Variants in ATM observed in about 807,000 individuals in gnomAD.
ATM encodes the protein serine-protein kinase ATM.
A neutral mutation model predicts 387.0 loss-of-function variants in ATM; 308 were observed. The observed-to-expected ratio is 0.80, with a 90% CI of 0.73 to 0.87. ATM has a LOEUF of 0.87. Ranked by LOEUF, ATM falls within the 40% of genes least tolerant of loss-of-function variation. The pLI, the probability that ATM is intolerant of heterozygous loss-of-function variation, is 0.00. For missense variants in ATM, 3,312 were observed against 3,560.9 expected, an observed-to-expected ratio of 0.93 and a Z score of 1.78; for synonymous variants, 1,156 against 1,187.3, an observed-to-expected ratio of 0.97 and a Z score of 0.54.
Position 108,251,020 on chromosome 11 carries a change from G to A in ATM, c.1555G>A (p.Val519Ile), listed in dbSNP as rs758056561. Residue 519 changes from valine (V) to isoleucine (I), a missense_variant, in exon 10 of 63, where the codon GTT becomes ATT. By Grantham distance (29) the Val-to-Ile change is conservative (BLOSUM62 3). Transcript: ENST00000675843. ...CATAATTCAGGGTAGTTTAGTTGAG[G>A]TTGACAGAGAATTCTGGAAGTTATT... ...GAIIQGSLVE[V>I]DREFWKLFTG... 19 of 1,614,140 alleles carry A rather than the reference G, an allele frequency of 1.2e-5. No homozygotes were observed. In the East Asian group the frequency reaches 4.0e-4, roughly 34 times the overall value.
rs1317185205 is a variant in ATM, at chr11:108,253,883, T to C, written c.1968T>C (p.Thr656=). ...TAGAAGAACTATTTCTTCAGACAACTTTTGACAAGATGGACTTTTTAACCA... is the reference window on the plus strand; with the variant it reads ...TAGAAGAACTATTTCTTCAGACAACCTTTGACAAGATGGACTTTTTAACCA... ...SEVEELFLQT[T]FDKMDFLTIV... is the part of the protein sequence containing the mutation. Residue 656 remains threonine (T), a synonymous_variant, in exon 13 of 63, where the codon ACT becomes ACC. Coordinates refer to ENST00000675843, the MANE Select transcript of ATM (RefSeq NM_000051.4). The C allele has an allele frequency of 6.2e-7, 1 of 1,614,034 alleles. No individual in the cohort carries two copies. Among genetic ancestry groups the C allele is most frequent in the South Asian group, 1.1e-5 (1 of 91,086 alleles).
At chr11:108,344,193 G>A (rs2087981983) in intron 57 of ATM, among the ~76,000 whole-genome samples, 1 of 152,092 alleles carries the variant, frequency 6.6e-6, no homozygotes, top group South Asian at 2.1e-4. Flanking sequence ...GTCTGTACAG[G>A]GCACACAGGG....
At chr11:108,268,639 G>A (rs1285442655) in intron 18 of ATM, 30 bp downstream of exon 18, 2 of 1,596,548 alleles carry the variant, frequency 1.3e-6, no homozygotes, top group African/African-American at 2.7e-5. Context: ...GAAGCTCTTG[G>A]ATTTTATCTG....
rs876660918 is a variant in ATM at position 108,297,370 on chromosome 11, AAAG to A, written c.4997_4999del (p.Glu1666del). On this transcript the variant is annotated inframe_deletion, in exon 33 of 63. Transcript: ENST00000675843. The stretch of plus-strand genomic sequence containing the variant: ...GATGGCAATAAACCACACTGGTGAA[AAAG>A]AAGTTCTAGGTAAACTACAGTCATG... 1 of 1,613,856 alleles carries A rather than the reference AAAG, an allele frequency of 6.2e-7. No homozygotes were observed. Among genetic ancestry groups the A allele is most frequent in the South Asian group, 1.1e-5 (1 of 91,076 alleles).
At chr11:108,357,797 A>T (rs1462034021) in intron 61 of ATM, among the ~76,000 whole-genome samples, 2 of 152,066 alleles carry the variant, frequency 1.3e-5, no homozygotes, top group African/African-American at 4.8e-5. Context: ...CCATCTGTAC[A>T]TCACCATCAT....
intron 29 of ATM, 139 bp from the exon 30 acceptor site, chr11:108,292,480 C>T (rs1471692868): frequency 9.7e-7 from 1 of 1,034,802 alleles, no homozygotes; most frequent in Non-Finnish European, 1.4e-6. Context: ...CTCTTTTTGG[C>T]TTATAAGCCA....
chr11:108,303,091 T>A, intron 36 of ATM, 62 bp downstream of exon 36: 6 of 1,431,268 alleles, frequency 4.2e-6, no homozygotes, highest in Non-Finnish European at 5.9e-6. Flanking sequence ...TAAAGAGTGC[T>A]GTGATACTGC....
rs148358896 is a variant in ATM, at chr11:108,281,060, G to A, written c.3468G>A (p.Thr1156=). The A allele has an allele frequency of 1.3e-4, 208 of 1,613,572 alleles. No individual in the cohort carries two copies. The highest frequency in any genetic ancestry group is 1.7e-4 in the Non-Finnish European group (202 of 1,179,810). ...ATAATAGAAAATCTGTTTTACTGAC[G>A]TTGATAGCTGTGGTTTTATCCTGTA... ...EIYNRKSVLL[T]LIAVVLSCSP... is the part of the protein sequence containing the mutation. Residue 1156 remains threonine (T), a synonymous_variant, in exon 24 of 63, where the codon ACG becomes ACA. Coordinates refer to ENST00000675843, the MANE Select transcript of ATM (RefSeq NM_000051.4).
At chr11:108,327,455 CAG>C (rs1163225754) in intron 47 of ATM, 188 bp from the exon 48 acceptor site, 3 of 548,706 alleles carry the variant, frequency 5.5e-6, no homozygotes, top group African/African-American at 1.9e-5. Flanking sequence ...TAATAATAAA[CAG>C]AGGATGATCA....
Position 108,317,652 on chromosome 11 carries a change from T to TAC in ATM, c.6347+152_6347+153dup, listed in dbSNP as rs1181493043. On this transcript the variant is annotated intron_variant, in intron 43 of 62. Coordinates refer to ENST00000675843, the MANE Select transcript of ATM (RefSeq NM_000051.4). ...ATATATATATATATATATATATATA[T>TAC]ACACACACACACACACACACACTAT... The TAC allele has an allele frequency of 3.1e-3, 366 of 118,244 alleles. 5 individuals are homozygous for TAC. The highest frequency in any genetic ancestry group is 4.5e-3 in the East Asian group (19 of 4,228). The allele number at this position is 118,244 out of a possible 1,614,324, so 7.3% of individuals were successfully genotyped here.
At chr11:108,357,336 A>G in intron 61 of ATM, among the ~76,000 whole-genome samples, 1 of 152,056 alleles carries the variant, frequency 6.6e-6, no homozygotes, top group Admixed American at 6.6e-5. Flanking sequence ...GCAGTCTGAG[A>G]TCAAACTGCA....
At chr11:108,243,350 T>A (rs1245562700) in intron 5 of ATM, among the ~76,000 whole-genome samples, 1 of 152,184 alleles carries the variant, frequency 6.6e-6, no homozygotes, top group East Asian at 1.9e-4. Context: ...CAGTGGCTCA[T>A]GCCCATAATC....
intron 39 of ATM, among the ~76,000 whole-genome samples, chr11:108,312,005 C>T (rs1276186415): frequency 6.6e-6 from 1 of 152,052 alleles, no homozygotes; most frequent in African/African-American, 2.4e-5. Flanking sequence ...TATCAGATGT[C>T]TTAAATTTAT....
In ATM at chr11:108,227,868, G is replaced by C. The variant is rs1555054230; in HGVS notation, c.165G>C (p.Leu55Phe). The change falls in exon 3 of 63, where the codon TTG (leucine) becomes TTC (phenylalanine). Residue 55 changes from leucine (L) to phenylalanine (F), a missense_variant. Around this residue, in one of 4 missense-constraint regions of ATM, gnomAD observed 1,791 missense variants for 1,804.5 expected, o/e 0.99. Coordinates refer to ENST00000675843, the MANE Select transcript of ATM (RefSeq NM_000051.4). ...RHSDSKQGKYLNWDAVFRFLQ... is the reference protein window; with the variant it reads ...RHSDSKQGKYFNWDAVFRFLQ... ...CAGATTCCAAACAAGGAAAATATTT[G>C]AATTGGGATGCTGTTTTTAGGTATT... 6.2e-7 allele frequency: 1 copy of C among 1,612,404 alleles called. No individual in the cohort carries two copies. The highest frequency in any genetic ancestry group is 8.5e-7 in the Non-Finnish European group (1 of 1,179,320).
intron 45 of ATM, among the ~76,000 whole-genome samples, chr11:108,324,225 AT>A (rs2085440241): frequency 1.3e-5 from 2 of 152,136 alleles, no homozygotes; most frequent in African/African-American, 4.8e-5. Context: ...TAAAAGCACA[AT>A]CTAGAGGTTA....
intron 16 of ATM, among the ~76,000 whole-genome samples, chr11:108,263,343 A>G (rs1402063891): frequency 1.5e-4 from 21 of 140,952 alleles, no homozygotes; most frequent in Non-Finnish European, 3.1e-4. Context: ...ACTCAAAACC[A>G]CTCAACTACA....
chr11:108,246,336 A>G (rs968581443), intron 7 of ATM, among the ~76,000 whole-genome samples: 9 of 152,198 alleles, frequency 5.9e-5, no homozygotes, highest in African/African-American at 1.2e-4. Context: ...AGTTAACTGC[A>G]TATTTAGGGT....
At chr11:108,276,520 G>C (rs2081957636) in intron 22 of ATM, among the ~76,000 whole-genome samples, 2 of 152,204 alleles carry the variant, frequency 1.3e-5, no homozygotes, top group South Asian at 4.1e-4. Context: ...GGTCTTTGAT[G>C]TTGGTGACTT....
At chr11:108,340,110 G>A (rs1230214937) in intron 56 of ATM, 1 of 152,082 alleles carries the variant, frequency 6.6e-6, no homozygotes, top group Non-Finnish European at 1.5e-5. Flanking sequence ...GTTAGAGATG[G>A]TACCACCTTC....
Sources: gnomAD v4.1 joint callset for allele counts (sites outside exome capture counted in the v4.1 genomes callset) on GRCh38, gnomAD v4.1.1 for gene constraint, gnomAD v4.1.1 regional missense constraint, MANE v1.5 for transcripts, NCBI Gene and HGNC (gene_info 2026-07-23, HGNC 2026-07-21) for gene names.